The following USP22 variants were observed in gnomAD, a reference collection of about 807,000 sequenced individuals.
The protein encoded by USP22 is ubiquitin specific peptidase 22.
USP22 carries 22 observed loss-of-function variants against 68.1 expected under a neutral mutation model. The observed-to-expected ratio is 0.32, with a 90% CI of 0.23 to 0.46. The LOEUF is 0.46. Ranked by LOEUF, USP22 falls within the 20% of genes least tolerant of loss-of-function variation. The probability of loss-of-function intolerance (pLI) is 1.00; values close to 1 mark genes in which losing one functional copy is unlikely to be tolerated. For missense variants in USP22, 433 were observed against 695.8 expected, an observed-to-expected ratio of 0.62 and a Z score of 4.25; for synonymous variants, 279 against 274.2, an observed-to-expected ratio of 1.02 and a Z score of -0.17.
rs148351298 is a variant in USP22, at chr17:21,017,425, G to A, written c.690+517C>T. ...CAGCCGTGAACGCCTTGCTCTGAAC[G>A]CTGCCATGCTCTGATGCCGGGGACA... On this transcript the variant is annotated intron_variant, in intron 5 of 12. Transcript: ENST00000261497. 8.5e-5 allele frequency among the ~76,000 whole-genome samples: 13 copies of A among 152,276 alleles called. No homozygotes were observed. In the East Asian group the frequency reaches 2.1e-3, roughly 25 times the overall value.
chr17:21,011,120 C>T lies in USP22; in HGVS notation c.1103+31G>A, dbSNP rs376037527. On this transcript the variant is annotated intron_variant, in intron 8 of 12. Coordinates refer to ENST00000261497, the MANE Select transcript of USP22 (RefSeq NM_015276.2). ...AGCACAGCCTTCTGGCCAGGAGACA[C>T]GCCCCCGCCGTGTGGGTGCAGGCCT... The T allele has an allele frequency of 1.5e-4, 235 of 1,550,484 alleles. 1 individual carries two copies. The highest frequency in any genetic ancestry group is 1.4e-3 in the South Asian group (113 of 80,532).
In USP22 at chr17:21,028,689, AGAG is replaced by A. The variant is rs370512235; in HGVS notation, c.172-18_172-16del. Reference sequence around the variant, plus strand: ...CAGGACTTGGCCTGAAATTCAGAGAAGAGGAGGAGTGAACGCTGTGTGATAAGA... The same window carrying A: ...CAGGACTTGGCCTGAAATTCAGAGAAGAGGAGTGAACGCTGTGTGATAAGA... On this transcript the variant is annotated splice_polypyrimidine_tract_variant and intron_variant, in intron 1 of 12. Transcript: ENST00000261497. The A allele has an allele frequency of 5.4e-5, 87 of 1,613,102 alleles. No individual in the cohort carries two copies. In the African/African-American group the frequency reaches 8.9e-4, roughly 17 times the overall value.
chr17:21,034,694 C>A (rs1232451548), intron 1 of USP22, among the ~76,000 whole-genome samples: 1 of 151,978 alleles, frequency 6.6e-6, no homozygotes, highest in Admixed American at 6.6e-5. Flanking sequence ...GATGTGATCA[C>A]GGATAAAAGT....
At chr17:21,006,782 C>T (rs942983860) in intron 10 of USP22, 114 bp downstream of exon 10, 11 of 767,532 alleles carry the variant, frequency 1.4e-5, no homozygotes, top group African/African-American at 9.0e-5. Context: ...GGATTACAGG[C>T]GGGAGCCACT....
chr17:21,034,102 A>G (rs983593036), intron 1 of USP22, among the ~76,000 whole-genome samples: 4 of 152,216 alleles, frequency 2.6e-5, no homozygotes, highest in Admixed American at 6.5e-5. Flanking sequence ...AAAGCTAAAG[A>G]CTTTGCCAAA....
At position 21,032,922 on chromosome 17, in the gene USP22, C is replaced by CAAAAAAAAAA. The variant is rs753804890; in HGVS notation, c.172-4258_172-4249dup. Among the ~76,000 whole-genome samples the CAAAAAAAAAA allele has an allele frequency of 2.7e-4, 25 of 91,564 alleles. 1 individual carries two copies. The highest frequency in any genetic ancestry group is 1.6e-3 in the South Asian group (4 of 2,510). 60.1% of individuals were successfully genotyped at this position (91,564 alleles called of 152,430 possible). A position where few individuals can be genotyped will look rare whatever the true frequency, so the allele number is the denominator to read the frequency against. ...TGAGCAACAGAACCAGACCCTGTCT[C>CAAAAAAAAAA]AAAAAAAAAAAAAAAAAAAAAAAAA... On this transcript the variant is annotated intron_variant, in intron 1 of 12. Transcript: ENST00000261497.
intron 1 of USP22, among the ~76,000 whole-genome samples, chr17:21,034,444 C>T (rs960839898): frequency 6.6e-6 from 1 of 152,196 alleles, no homozygotes. Context: ...CCTACAGTTC[C>T]GCTTGCTGTG....
In USP22 at chr17:21,001,889, T is replaced by G. The variant is rs1199956942; in HGVS notation, c.*1142A>C. ...CTTCTACTTTCTCTTTCAGCTCTGC[T>G]GACAAGCTCAATCACGGTGTCATTT... On this transcript the variant is annotated 3_prime_UTR_variant, in exon 13 of 13. Coordinates refer to ENST00000261497, the MANE Select transcript of USP22 (RefSeq NM_015276.2). 2 of 152,276 alleles carry G rather than the reference T, an allele frequency of 1.3e-5. No homozygotes were observed. Among genetic ancestry groups the G allele is most frequent in the Admixed American group, 6.5e-5 (1 of 15,288 alleles). The allele number at this position is 152,276 out of a possible 1,614,324, so 9.4% of individuals were successfully genotyped here. A position where few individuals can be genotyped will look rare whatever the true frequency, so the allele number is the denominator to read the frequency against.
chr17:21,003,564 C>G lies in USP22; in HGVS notation c.1536-491G>C, dbSNP rs548898861. ...ACCCCTGGAGGGTCAACAGGTTTCT[C>G]TATGCCATGAAGGAATGAAACTGGA... On this transcript the variant is annotated intron_variant, in intron 12 of 12. Coordinates refer to ENST00000261497, the MANE Select transcript of USP22 (RefSeq NM_015276.2). Among the ~76,000 whole-genome samples, 5 of 152,298 alleles carry G rather than the reference C, an allele frequency of 3.3e-5. No homozygotes were observed. The South Asian group carries it at 6.2e-4, about 19-fold the overall frequency.
intron 2 of USP22, among the ~76,000 whole-genome samples, chr17:21,022,316 T>C (rs2143590250): frequency 6.6e-6 from 1 of 152,280 alleles, no homozygotes; most frequent in East Asian, 1.9e-4. Flanking sequence ...CATAAACCTT[T>C]ATTTTATGGA....
chr17:21,028,807 C>T, intron 1 of USP22, 133 bp from the exon 2 acceptor site: 1 of 1,168,922 alleles, frequency 8.6e-7, no homozygotes. Flanking sequence ...TCAAGGCTTA[C>T]TACTCTAGAG....
intron 3 of USP22, 27 bp from the exon 4 acceptor site, chr17:21,019,212 C>T (rs771125547): frequency 6.9e-6 from 11 of 1,603,436 alleles, no homozygotes; most frequent in African/African-American, 6.7e-5. Flanking sequence ...CAGTTCCAAG[C>T]GCTATTAGCT....
chr17:21,037,100 C>T (rs1287833040), intron 1 of USP22, among the ~76,000 whole-genome samples: 1 of 152,242 alleles, frequency 6.6e-6, no homozygotes, highest in Non-Finnish European at 1.5e-5. Context: ...CCAGTGGATA[C>T]AGCCAGATGA....
intron 8 of USP22, among the ~76,000 whole-genome samples, chr17:21,009,892 T>C (rs1366842054): frequency 6.6e-6 from 1 of 150,988 alleles, no homozygotes; most frequent in African/African-American, 2.4e-5. Context: ...GAGGTGGAGG[T>C]TGCAGTGAGC....
rs1913611606 is a variant in USP22, at chr17:21,002,302, GTA to G, written c.*727_*728del. 3 of 152,340 alleles carry G rather than the reference GTA, an allele frequency of 2.0e-5. No individual in the cohort carries two copies. In the South Asian group the frequency reaches 6.2e-4, roughly 32 times the overall value. The allele number at this position is 152,340 out of a possible 1,614,324, so 9.4% of individuals were successfully genotyped here. A position where few individuals can be genotyped will look rare whatever the true frequency, so the allele number is the denominator to read the frequency against. ...TAAAGGAGAAGTTACCTAAATTTCT[GTA>G]TAAACTCAGTAATTCATTCACTTTA... On this transcript the variant is annotated 3_prime_UTR_variant, in exon 13 of 13. Coordinates refer to ENST00000261497, the MANE Select transcript of USP22 (RefSeq NM_015276.2).
chr17:21,036,049 AAAAAAAG>A (rs913863513), intron 1 of USP22, among the ~76,000 whole-genome samples: 9 of 143,170 alleles, frequency 6.3e-5, no homozygotes, highest in African/African-American at 2.2e-4. Context: ...AAAAAAAAAA[AAAAAAAG>A]GAATGAACTT....
At chr17:21,004,811 A>T in intron 11 of USP22, 117 bp downstream of exon 11, 1 of 945,082 alleles carries the variant, frequency 1.1e-6, no homozygotes, top group Non-Finnish European at 1.6e-6. Context: ...GCGGGCAGCC[A>T]AGCGGGAAGC....
rs77625462 is a variant in USP22 at position 21,015,337 on chromosome 17, T to C, written c.838+415A>G. ...ATTTCAGAGCAACCATCAGTCCTTT[T>C]GGAGAGTCCCCAATGGGAAGGAGAC... is the stretch of plus-strand genomic sequence containing the variant. On this transcript the variant is annotated intron_variant, in intron 6 of 12. Coordinates refer to ENST00000261497, the MANE Select transcript of USP22 (RefSeq NM_015276.2). Among the ~76,000 whole-genome samples, 51 of 152,286 alleles carry C rather than the reference T, an allele frequency of 3.3e-4. 2 individuals carry two copies. The East Asian group carries it at 8.5e-3, about 25-fold the overall frequency.
intron 1 of USP22, among the ~76,000 whole-genome samples, chr17:21,031,474 TAC>T (rs773374342): frequency 2.8e-4 from 42 of 152,056 alleles, no homozygotes; most frequent in East Asian, 2.5e-3. Flanking sequence ...AGGACTGTGC[TAC>T]ACACTCCATT....
Sources: allele counts gnomAD v4.1 joint callset (sites outside exome capture counted in the v4.1 genomes callset), GRCh38; gene constraint gnomAD v4.1.1; transcripts MANE v1.5; gene names NCBI Gene and HGNC (gene_info 2026-07-23, HGNC 2026-07-21).